PLCH1: variants seen among roughly 807,000 people sequenced by gnomAD.
PLCH1 encodes 1-phosphatidylinositol 4,5-bisphosphate phosphodiesterase eta-1.
In PLCH1, 60 loss-of-function variants were observed where a neutral mutation model predicts 126.7. The ratio of observed to expected loss-of-function variants is 0.47; its 90% CI spans 0.38 to 0.59. The LOEUF (loss-of-function observed/expected upper bound fraction) is 0.59, where lower values mean the gene tolerates loss of function less well. Ranked by LOEUF, PLCH1 falls within the 20% of genes least tolerant of loss-of-function variation. PLCH1 has a pLI of 0.00. For synonymous variants in PLCH1, 719 were observed against 734.9 expected, an observed-to-expected ratio of 0.98 and a Z score of 0.35; for missense variants, 1,723 against 2,040.0, an observed-to-expected ratio of 0.84 and a Z score of 2.99.
intron 2 of PLCH1, among the ~76,000 whole-genome samples, chr3:155,642,948 GT>G (rs913789949): frequency 6.6e-6 from 1 of 151,840 alleles, no homozygotes; most frequent in African/African-American, 2.4e-5. Flanking sequence ...TTGGTTTTTT[GT>G]TTGTTTATTT....
At chr3:155,610,390 C>CAAA (rs1491267517) in intron 2 of PLCH1, among the ~76,000 whole-genome samples, 1 of 81,720 alleles carries the variant, frequency 1.2e-5, no homozygotes, top group Admixed American at 1.5e-4. Flanking sequence ...AAAAAAAAAA[C>CAAA]CATCACCTAG....
chr3:155,658,785 A>G (rs1419842843), intron 2 of PLCH1, among the ~76,000 whole-genome samples: 1 of 152,234 alleles, frequency 6.6e-6, no homozygotes, highest in Non-Finnish European at 1.5e-5. Context: ...ATGGTCAAAT[A>G]TTCCTACCGA....
chr3:155,710,453 T>A (rs1449260111), intron 1 of PLCH1, among the ~76,000 whole-genome samples: 1 of 152,134 alleles, frequency 6.6e-6, no homozygotes, highest in Non-Finnish European at 1.5e-5. Flanking sequence ...TGAAAAAAAA[T>A]TAGATTCTGA....
chr3:155,561,043 T>TA (rs1270364457), intron 8 of PLCH1, among the ~76,000 whole-genome samples: 21 of 152,170 alleles, frequency 1.4e-4, no homozygotes, highest in Admixed American at 9.8e-4. Context: ...CTACACTCAT[T>TA]AAAAAATCTC....
chr3:155,466,905 G>T (rs1712948461), intron 21 of PLCH1, among the ~76,000 whole-genome samples: 1 of 152,084 alleles, frequency 6.6e-6, no homozygotes, highest in Admixed American at 6.6e-5. Flanking sequence ...GCAGACAAAA[G>T]AATTAGTGAG....
At chr3:155,494,022 A>C (rs1302644366) in intron 17 of PLCH1, 119 bp downstream of exon 17, 10 of 718,450 alleles carry the variant, frequency 1.4e-5, no homozygotes, top group Non-Finnish European at 2.3e-5. Context: ...TTGAAAAAAA[A>C]AAGTTGAAAA....
rs1171769559 is a variant in PLCH1 at position 155,586,130 on chromosome 3, T to G, written c.535A>C (p.Ile179Leu). 6.2e-7 allele frequency: 1 copy of G among 1,613,780 alleles called. No homozygotes were observed. Among genetic ancestry groups the G allele is most frequent in the South Asian group, 1.1e-5 (1 of 91,068 alleles). Reference protein sequence around the residue: ...NGDGLLNIEEIHQLMHKLNVN... With the variant: ...NGDGLLNIEELHQLMHKLNVN... ...TTCAGTTTATGCATCAGCTGATGTA[T>G]CTCTTCAATATTCAGCAAGCCGTCA... The change falls in exon 5 of 23, where the codon ATA (isoleucine) becomes CTA (leucine). Residue 179 changes from isoleucine (I) to leucine (L), a missense_variant. Ile to Leu is a conservative substitution (Grantham distance 5). This residue lies in a region of PLCH1 where 776 missense variants were observed against 1,062.9 expected (regional missense o/e 0.73). Transcript: ENST00000460012.
intron 2 of PLCH1, among the ~76,000 whole-genome samples, chr3:155,662,057 C>T (rs929657982): frequency 6.6e-6 from 1 of 152,152 alleles, no homozygotes; most frequent in Non-Finnish European, 1.5e-5. Flanking sequence ...TGGTTAGGGG[C>T]CCATCACCCA....
chr3:155,531,386 A>G (rs1459659254), intron 10 of PLCH1, among the ~76,000 whole-genome samples: 1 of 152,210 alleles, frequency 6.6e-6, no homozygotes, highest in Non-Finnish European at 1.5e-5. Context: ...GCACTTTGGG[A>G]GGCCAAGGCA....
At chr3:155,715,429 C>T (rs972619075) in intron 1 of PLCH1, among the ~76,000 whole-genome samples, 5 of 151,910 alleles carry the variant, frequency 3.3e-5, no homozygotes, top group Admixed American at 6.6e-5. Flanking sequence ...CTCAGCCTCC[C>T]GAGTAGCTGG....
chr3:155,699,673 A>T (rs909243607), intron 2 of PLCH1, among the ~76,000 whole-genome samples: 1 of 152,216 alleles, frequency 6.6e-6, no homozygotes, highest in Non-Finnish European at 1.5e-5. Flanking sequence ...AGGATCTGGA[A>T]TTCTTCTCTT....
intron 21 of PLCH1, chr3:155,487,076 G>A (rs1560055043): frequency 2.0e-5 from 3 of 151,938 alleles, no homozygotes; most frequent in African/African-American, 7.3e-5. Context: ...CCACCTCCAC[G>A]CCCTTGCTGA....
At chr3:155,600,636 A>G (rs1359417864) in intron 2 of PLCH1, among the ~76,000 whole-genome samples, 4 of 152,018 alleles carry the variant, frequency 2.6e-5, no homozygotes, top group African/African-American at 7.2e-5. Flanking sequence ...TTTGGATACA[A>G]TGCAGCAACA....
At chr3:155,627,857 T>G (rs1737529794) in intron 2 of PLCH1, among the ~76,000 whole-genome samples, 1 of 149,978 alleles carries the variant, frequency 6.7e-6, no homozygotes, top group Non-Finnish European at 1.5e-5. Flanking sequence ...AACCTCCACC[T>G]CCTGAGTTCA....
chr3:155,659,277 C>G (rs1228105181), intron 2 of PLCH1, among the ~76,000 whole-genome samples: 1 of 141,474 alleles, frequency 7.1e-6, no homozygotes, highest in Non-Finnish European at 1.5e-5. Context: ...TGACCACAGG[C>G]CAGGCGTGAG....
chr3:155,652,748 G>A (rs564010907), intron 2 of PLCH1, among the ~76,000 whole-genome samples: 75 of 152,040 alleles, frequency 4.9e-4, no homozygotes, highest in Middle Eastern at 3.4e-3. Flanking sequence ...CTGCTACCTC[G>A]CCTCAAAGGA....
chr3:155,646,951 G>A (rs1740133398), intron 2 of PLCH1, among the ~76,000 whole-genome samples: 1 of 152,094 alleles, frequency 6.6e-6, no homozygotes, highest in Admixed American at 6.5e-5. Flanking sequence ...CCTTTCACTG[G>A]GAGATGAAGT....
At chr3:155,601,240 G>C (rs1733699718) in intron 2 of PLCH1, among the ~76,000 whole-genome samples, 1 of 152,192 alleles carries the variant, frequency 6.6e-6, no homozygotes, top group Non-Finnish European at 1.5e-5. Flanking sequence ...GCCTCCCAAA[G>C]TGCTGGGATT....
chr3:155,556,157 G>A (rs1045138312), intron 8 of PLCH1, among the ~76,000 whole-genome samples: 5 of 152,210 alleles, frequency 3.3e-5, no homozygotes, highest in South Asian at 2.1e-4. Context: ...GTTCGAGACC[G>A]GCCTGGCCAA....
Sources: gnomAD v4.1 joint callset for allele counts (sites outside exome capture counted in the v4.1 genomes callset) on GRCh38, gnomAD v4.1.1 for gene constraint, gnomAD v4.1.1 regional missense constraint, MANE v1.5 for transcripts, NCBI Gene and HGNC (gene_info 2026-07-23, HGNC 2026-07-21) for gene names.